PCDHGA8: variants seen among roughly 807,000 people sequenced by gnomAD.
The protein encoded by PCDHGA8 is protocadherin gamma subfamily A, 8, also known as protocadherin gamma-A8.
In PCDHGA8, 45 loss-of-function variants were observed where a neutral mutation model predicts 59.2. That is an observed-to-expected ratio of 0.76 (90% confidence interval 0.60 to 0.98). The LOEUF is 0.98. PCDHGA8 is among the 50% of genes least tolerant of loss of function. The pLI is 0.00. For missense variants in PCDHGA8, 1,257 were observed against 1,196.2 expected (o/e 1.05, Z -0.75); for synonymous variants, 531 against 519.0 (o/e 1.02, Z -0.32).
chr5:141,414,263 A>G, intron 1 of PCDHGA8: 1 of 1,613,500 alleles, frequency 6.2e-7, no homozygotes, highest in Non-Finnish European at 8.5e-7. Flanking sequence ...GTGACTGAAG[A>G]TTCACCTCTG....
intron 1 of PCDHGA8, among the ~76,000 whole-genome samples, chr5:141,483,024 G>A (rs1210804345): frequency 6.6e-6 from 1 of 152,094 alleles, no homozygotes; most frequent in Non-Finnish European, 1.5e-5. Context: ...GGCAGAGGTT[G>A]CAATGAGCTG....
At position 141,406,249 on chromosome 5, in the gene PCDHGA8, G is replaced by A. The variant is rs73279090; in HGVS notation, c.2424+11012G>A. Among the ~76,000 whole-genome samples, 1,262 of 152,022 alleles carry A rather than the reference G, an allele frequency of 8.3e-3. 17 individuals are homozygous for A. The highest frequency in any genetic ancestry group is 0.029 in the African/African-American group (1,198 of 41,452). On this transcript the variant is annotated intron_variant, in intron 1 of 3. Coordinates refer to ENST00000398604, the MANE Select transcript of PCDHGA8 (RefSeq NM_032088.2). ...CTAGCAAGCTATGTTGCCCAGACTG[G>A]TCTCAAACGATCTTCCTGCTTCAGT...
chr5:141,427,697 A>G (rs1306378691), intron 1 of PCDHGA8: 3 of 924,392 alleles, frequency 3.2e-6, no homozygotes, highest in South Asian at 1.4e-5. Context: ...CCATCCCACA[A>G]GTCAGCGCCT....
chr5:141,455,725 C>T (rs1001661569), intron 1 of PCDHGA8, among the ~76,000 whole-genome samples: 4 of 152,136 alleles, frequency 2.6e-5, no homozygotes, highest in South Asian at 2.1e-4. Context: ...TAATGGCCTG[C>T]ATTTGCATAT....
Position 141,432,979 on chromosome 5 carries a change from TGTGGGC to T in PCDHGA8, c.2424+37747_2424+37752del. 1 of 1,614,228 alleles carries T rather than the reference TGTGGGC, an allele frequency of 6.2e-7. No individual in the cohort carries two copies. On this transcript the variant is annotated intron_variant, in intron 1 of 3. Coordinates refer to ENST00000398604, the MANE Select transcript of PCDHGA8 (RefSeq NM_032088.2). The surrounding 1 kb of genome is among the most constrained non-coding windows in gnomAD (Gnocchi z 6.0). ...TGACAGGAGCGCCGGCGTCGCACTTTGTGGGCGTGGACGGGGTGCAGGCTTTCCTGC... is the reference window on the plus strand; with the variant it reads ...TGACAGGAGCGCCGGCGTCGCACTTTGTGGACGGGGTGCAGGCTTTCCTGC...
chr5:141,402,892 A>G, intron 1 of PCDHGA8: 10 of 1,498,814 alleles, frequency 6.7e-6, no homozygotes, highest in Non-Finnish European at 8.9e-6. Flanking sequence ...GGTGGAAGAA[A>G]GAACCTGATG....
chr5:141,485,980 G>C lies in PCDHGA8; in HGVS notation c.2425-8827G>C, dbSNP rs151239937. 1 of 1,614,020 alleles carries C rather than the reference G, an allele frequency of 6.2e-7. No individual in the cohort carries two copies. The highest frequency in any genetic ancestry group is 1.3e-5 in the African/African-American group (1 of 74,914). The stretch of plus-strand genomic sequence containing the variant: ...TCATCCAGCTCAATGCCTCAGACCC[G>C]GACCTGGGTCCCAGTGGTAACGTCA... On this transcript the variant is annotated intron_variant, in intron 1 of 3. Transcript: ENST00000398604. The surrounding 1 kb of genome is among the most constrained non-coding windows in gnomAD (Gnocchi z 5.7).
At chr5:141,403,715 G>A in intron 1 of PCDHGA8, 3 of 1,613,898 alleles carry the variant, frequency 1.9e-6, no homozygotes, top group Non-Finnish European at 2.5e-6. Flanking sequence ...CCTTGAGAAC[G>A]TGCCCCCAGG....
Position 141,476,351 on chromosome 5 carries a change from G to C in PCDHGA8, c.2425-18456G>C. On this transcript the variant is annotated intron_variant, in intron 1 of 3. Transcript: ENST00000398604. This position sits in a 1 kb window ranked among gnomAD's most constrained non-coding sequence, Gnocchi z 7.6. ...TGGAGCTAGCCGAAGATTCTTTGAG[G>C]TGAACCGGGAGACCGGAGAGATGTT... 3 of 1,614,182 alleles carry C rather than the reference G, an allele frequency of 1.9e-6. No homozygotes were observed. Among genetic ancestry groups the C allele is most frequent in the Non-Finnish European group, 2.5e-6 (3 of 1,180,046 alleles).
At chr5:141,400,032 C>T (rs770927016) in intron 1 of PCDHGA8, 1 of 1,613,282 alleles carries the variant, frequency 6.2e-7, no homozygotes, top group Admixed American at 1.7e-5. Flanking sequence ...ACGCGGCCCG[C>T]CAGCGCCTGC....
chr5:141,495,870 CCT>C (rs1183994771), intron 2 of PCDHGA8, among the ~76,000 whole-genome samples: 2 of 152,100 alleles, frequency 1.3e-5, no homozygotes. Flanking sequence ...TTTCTGCTTT[CCT>C]CTCTGTTCTT....
intron 1 of PCDHGA8, chr5:141,427,685 C>T: frequency 1.2e-6 from 1 of 852,116 alleles, no homozygotes; most frequent in Non-Finnish European, 1.9e-6. Context: ...TTCCCGGAGC[C>T]TCCATCCCAC....
Position 141,395,025 on chromosome 5 carries a change from T to C in PCDHGA8, c.2212T>C (p.Ser738Pro). 6.2e-7 allele frequency: 1 copy of C among 1,614,116 alleles called. No homozygotes were observed. The highest frequency in any genetic ancestry group is 8.5e-7 in the Non-Finnish European group (1 of 1,180,016). ...SGGRLVGVPA[S>P]HFVGVEEVQA... is the part of the protein sequence containing the mutation. ...TGGCAGATTGGTAGGCGTGCCTGCC[T>C]CACATTTTGTGGGTGTTGAGGAGGT... The change falls in exon 1 of 4, where the codon TCA becomes CCA. Residue 738 changes from serine to proline, a missense_variant. Ser to Pro is a moderately conservative substitution (Grantham distance 74, BLOSUM62 -1). Transcript: ENST00000398604.
Position 141,393,497 on chromosome 5 carries a change from C to T in PCDHGA8, c.684C>T (p.Ile228=), listed in dbSNP as rs375522990. The part of the protein sequence containing the change: ...GKPPRSSTVR[I]HVTVLDTNDN... ...CGCCTCGCTCTAGCACAGTGCGCAT[C>T]CACGTGACAGTGTTGGATACAAATG... is the stretch of plus-strand genomic sequence containing the variant. The change falls in exon 1 of 4, where the codon ATC becomes ATT. Residue 228 remains isoleucine (I), a synonymous_variant. Transcript: ENST00000398604. The T allele has an allele frequency of 4.4e-4, 705 of 1,613,952 alleles. No individual in the cohort carries two copies. Among genetic ancestry groups the T allele is most frequent in the Non-Finnish European group, 5.6e-4 (663 of 1,179,920 alleles).
rs762408704 is a variant in PCDHGA8 at position 141,486,335 on chromosome 5, C to G, written c.2425-8472C>G. 6.2e-7 allele frequency: 1 copy of G among 1,613,936 alleles called. No individual in the cohort carries two copies. The highest frequency in any genetic ancestry group is 8.5e-7 in the Non-Finnish European group (1 of 1,180,002). ...AGGGTCAAACGGAGATGTGAGCCTC[C>G]GCATTCCTGACCACTTGCCATTTGC... On this transcript the variant is annotated intron_variant, in intron 1 of 3. Transcript: ENST00000398604. This position sits in a 1 kb window ranked among gnomAD's most constrained non-coding sequence, Gnocchi z 5.0.
intron 1 of PCDHGA8, among the ~76,000 whole-genome samples, chr5:141,464,983 C>G (rs1294132264): frequency 6.6e-6 from 1 of 152,050 alleles, no homozygotes; most frequent in African/African-American, 2.4e-5. Flanking sequence ...TTCAAGTGAT[C>G]CTCCCACCTC....
At chr5:141,492,241 C>G (rs1351937353) in intron 1 of PCDHGA8, among the ~76,000 whole-genome samples, 2 of 152,186 alleles carry the variant, frequency 1.3e-5, no homozygotes, top group East Asian at 3.9e-4. Context: ...TGCTGGCCAC[C>G]CCCACGGCCC....
In PCDHGA8 at chr5:141,486,432, G is replaced by T; in HGVS notation, c.2425-8375G>T. On this transcript the variant is annotated intron_variant, in intron 1 of 3. Coordinates refer to ENST00000398604, the MANE Select transcript of PCDHGA8 (RefSeq NM_032088.2). This position sits in a 1 kb window ranked among gnomAD's most constrained non-coding sequence, Gnocchi z 5.0. ...CCCTTGGATCGAGAGGCCAAATCTA[G>T]CTATGACATCATGGTCACTGCTTCT... 4 of 1,614,172 alleles carry T rather than the reference G, an allele frequency of 2.5e-6. No homozygotes were observed. Among genetic ancestry groups the T allele is most frequent in the Non-Finnish European group, 2.5e-6 (3 of 1,180,020 alleles).
chr5:141,440,578 C>T (rs2098188646), intron 1 of PCDHGA8: 1 of 152,138 alleles, frequency 6.6e-6, no homozygotes, highest in Non-Finnish European at 1.5e-5. Flanking sequence ...CTGAGTTTAC[C>T]CAGCTGGAAC....
Sources: gnomAD v4.1 joint callset for allele counts (sites outside exome capture counted in the v4.1 genomes callset) on GRCh38, gnomAD v4.1.1 for gene constraint, Gnocchi (gnomAD v3.1) non-coding constraint, MANE v1.5 for transcripts, NCBI Gene and HGNC (gene_info 2026-07-23, HGNC 2026-07-21) for gene names.